Variants in HLTF observed in about 807,000 individuals in gnomAD.
The protein encoded by HLTF is DNA-dependent ATPase/E3 ubiquitin-protein ligase HLTF.
HLTF carries 127 observed loss-of-function variants against 129.4 expected under a neutral mutation model. That is an observed-to-expected ratio of 0.98 (90% CI 0.85 to 1.14). HLTF has a LOEUF of 1.14. Ranked by LOEUF, HLTF falls within the 50% of genes most tolerant of loss-of-function variation. The probability of loss-of-function intolerance (pLI) is 0.00; values close to 1 mark genes in which losing one functional copy is unlikely to be tolerated. For synonymous variants in HLTF, 332 were observed against 388.8 expected (o/e 0.85, Z 1.72); for missense variants, 1,139 against 1,187.1 (o/e 0.96, Z 0.60).
chr3:149,033,490 A>T (rs1156651114), intron 24 of HLTF, among the ~76,000 whole-genome samples: 1 of 152,176 alleles, frequency 6.6e-6, no homozygotes, highest in Non-Finnish European at 1.5e-5. Flanking sequence ...TTACCCTATC[A>T]GGTATCAAAA....
intron 20 of HLTF, among the ~76,000 whole-genome samples, chr3:149,040,696 T>G (rs552331690): frequency 4.6e-5 from 7 of 152,152 alleles, no homozygotes; most frequent in Admixed American, 3.3e-4. Context: ...ACCATTACAA[T>G]TAAATAATTC....
At chr3:149,042,496 G>A (rs1716214121) in intron 18 of HLTF, among the ~76,000 whole-genome samples, 1 of 152,068 alleles carries the variant, frequency 6.6e-6, no homozygotes, top group African/African-American at 2.4e-5. Flanking sequence ...GCCAATTGCA[G>A]TCTAAGTCAG....
At chr3:149,036,297 G>GTTCTTTTTTT in intron 23 of HLTF, among the ~76,000 whole-genome samples, 1 of 107,982 alleles carries the variant, frequency 9.3e-6, no homozygotes, top group South Asian at 2.8e-4. Flanking sequence ...AAACTATGAG[G>GTTCTTTTTTT]TTTTTTTTTT....
In HLTF at chr3:149,086,491, G is replaced by C. The variant is rs1309223376; in HGVS notation, c.-155C>G. 4 of 767,240 alleles carry C rather than the reference G, an allele frequency of 5.2e-6. No homozygotes were observed. The highest frequency in any genetic ancestry group is 1.8e-5 in the African/African-American group (1 of 56,968). 47.5% of individuals were successfully genotyped at this position (767,240 alleles called of 1,614,324 possible). On this transcript the variant is annotated 5_prime_UTR_variant, in exon 1 of 25. Coordinates refer to ENST00000310053, the MANE Select transcript of HLTF (RefSeq NM_003071.4). ...GCACGACTGAAAGGTAAGTCGCCGCGAGTCCAGTCAGACGTCGACGCCGTC... is the reference window on the plus strand; with the variant it reads ...GCACGACTGAAAGGTAAGTCGCCGCCAGTCCAGTCAGACGTCGACGCCGTC...
At position 149,060,654 on chromosome 3, in the gene HLTF, C is replaced by T; in HGVS notation, c.1274G>A (p.Gly425Asp). The change falls in exon 12 of 25, where the codon GGC (glycine) becomes GAC (aspartate). Residue 425 changes from glycine (G) to aspartate (D), a missense_variant. Transcript: ENST00000310053. ...KLKNVQSETK[G>D]RAKAGSSKVI... The stretch of plus-strand genomic sequence containing the variant: ...TAGTATACACATACCTTTCGCCCTG[C>T]CTTTAGTTTCAGACTGTACATTTTT... The T allele has an allele frequency of 6.2e-7, 1 of 1,612,528 alleles. No homozygotes were observed. Among genetic ancestry groups the T allele is most frequent in the Non-Finnish European group, 8.5e-7 (1 of 1,178,962 alleles).
intron 13 of HLTF, among the ~76,000 whole-genome samples, chr3:149,056,176 C>T (rs2108005390): frequency 6.6e-6 from 1 of 152,274 alleles, no homozygotes; most frequent in African/African-American, 2.4e-5. Context: ...TCCAGCTAAG[C>T]CACTCCGACT....
rs143507964 is a variant in HLTF at position 149,063,847 on chromosome 3, T to A, written c.1067-323A>T. Among the ~76,000 whole-genome samples the A allele has an allele frequency of 5.6e-3, 848 of 152,274 alleles. 3 individuals are homozygous for A. Among genetic ancestry groups the A allele is most frequent in the Non-Finnish European group, 9.4e-3 (640 of 68,022 alleles). Reference sequence around the variant, plus strand: ...CAACAGAACCACAAATAGGTGCTGTTATAAATTTACATGTTCAAATCTCAG... The same window carrying A: ...CAACAGAACCACAAATAGGTGCTGTAATAAATTTACATGTTCAAATCTCAG... On this transcript the variant is annotated intron_variant, in intron 9 of 24. Coordinates refer to ENST00000310053, the MANE Select transcript of HLTF (RefSeq NM_003071.4).
chr3:149,047,537 G>A (rs1312302800), intron 17 of HLTF, among the ~76,000 whole-genome samples: 5 of 152,188 alleles, frequency 3.3e-5, no homozygotes, highest in Non-Finnish European at 1.5e-5. Context: ...AGCTACTTGG[G>A]AGGCTGAGAC....
intron 3 of HLTF, 152 bp downstream of exon 3, chr3:149,075,729 A>G (rs1369554692): frequency 2.2e-6 from 1 of 457,110 alleles, no homozygotes; most frequent in Non-Finnish European, 3.8e-6. Context: ...GAAGTATGTA[A>G]AAGGAGAAAT....
Position 149,036,297 on chromosome 3 carries a change from G to GTTTTTTT in HLTF, c.2797-1306_2797-1300dup, listed in dbSNP as rs71135656. 1.4e-4 allele frequency among the ~76,000 whole-genome samples: 15 copies of GTTTTTTT among 107,980 alleles called. 2 individuals are homozygous for GTTTTTTT. The highest frequency in any genetic ancestry group is 7.9e-3 in the Middle Eastern group (1 of 126). The allele number at this position is 107,980 out of a possible 152,430, so 70.8% of individuals were successfully genotyped here. On this transcript the variant is annotated intron_variant, in intron 23 of 24. Transcript: ENST00000310053. ...TTAAATTTTAAATTAAAACTATGAG[G>GTTTTTTT]TTTTTTTTTTGAGATGGAGTCTCGC... is the stretch of plus-strand genomic sequence containing the variant.
intron 7 of HLTF, among the ~76,000 whole-genome samples, chr3:149,069,998 C>G (rs917800375): frequency 2.0e-5 from 3 of 152,136 alleles, no homozygotes; most frequent in Non-Finnish European, 2.9e-5. Context: ...AATGAACCAA[C>G]ATTTTCTAAA....
chr3:149,051,237 A>T (rs1435840716), intron 14 of HLTF, among the ~76,000 whole-genome samples: 71 of 131,136 alleles, frequency 5.4e-4, no homozygotes, highest in South Asian at 9.6e-4. Flanking sequence ...AGGAAGTTTA[A>T]AAAAAAAAAA....
In HLTF at chr3:149,048,216, G is replaced by C. The variant is rs918899510; in HGVS notation, c.1757-53C>G. On this transcript the variant is annotated intron_variant, in intron 16 of 24. Transcript: ENST00000310053. The stretch of plus-strand genomic sequence containing the variant: ...TCTTTAACCAGAGTATCCAGTAAGA[G>C]TATCTATTTGGCCCAATCAGAGAAG... The C allele has an allele frequency of 5.5e-6, 8 of 1,456,680 alleles. No individual in the cohort carries two copies. The East Asian group carries it at 1.6e-4, about 29-fold the overall frequency. The allele number at this position is 1,456,680 out of a possible 1,614,324, so 90.2% of individuals were successfully genotyped here.
intron 2 of HLTF, chr3:149,083,603 G>A (rs1720073858): frequency 6.6e-6 from 1 of 151,922 alleles, no homozygotes; most frequent in Non-Finnish European, 1.5e-5. Context: ...TGTGAAATAA[G>A]AACTGATAGA....
rs1480951737 is a variant in HLTF, at chr3:149,040,134, C to T, written c.2399G>A (p.Cys800Tyr). 6.2e-7 allele frequency: 1 copy of T among 1,607,746 alleles called. No homozygotes were observed. The highest frequency in any genetic ancestry group is 2.2e-5 in the East Asian group (1 of 44,684). ...ATTATCTTCATGTATATCATTTCTG[C>T]ATAAAGGGCATTTAGCATGTGGCTA... ...NEQPHAKCPL[C>Y]RNDIHEDNLL... Residue 800 changes from cysteine to tyrosine, a missense_variant, in exon 21 of 25, where the codon TGC becomes TAC. Coordinates refer to ENST00000310053, the MANE Select transcript of HLTF (RefSeq NM_003071.4).
chr3:149,086,308 C>T lies in HLTF; in HGVS notation c.20+9G>A, dbSNP rs769102487. 5.0e-6 allele frequency: 8 copies of T among 1,603,202 alleles called. No individual in the cohort carries two copies. Among genetic ancestry groups the T allele is most frequent in the Non-Finnish European group, 6.8e-6 (8 of 1,174,832 alleles). ...AGACCGAGCGCCCCACCCCCTCCGCCCCCTTCACCTCTTGAACATCCAGGA... is the reference window on the plus strand; with the variant it reads ...AGACCGAGCGCCCCACCCCCTCCGCTCCCTTCACCTCTTGAACATCCAGGA... On this transcript the variant is annotated intron_variant, in intron 1 of 24. Coordinates refer to ENST00000310053, the MANE Select transcript of HLTF (RefSeq NM_003071.4).
chr3:149,069,862 A>G (rs1718705381), intron 7 of HLTF, among the ~76,000 whole-genome samples: 1 of 152,238 alleles, frequency 6.6e-6, no homozygotes, highest in Admixed American at 6.5e-5. Flanking sequence ...TGTGTGTGAC[A>G]CTATGAACAT....
intron 2 of HLTF, among the ~76,000 whole-genome samples, 184 bp downstream of exon 2, chr3:149,084,498 C>G (rs1020843903): frequency 2.0e-5 from 3 of 152,146 alleles, no homozygotes; most frequent in Admixed American, 1.3e-4. Flanking sequence ...TTCCTGTAAT[C>G]CCAACACTCT....
intron 8 of HLTF, 152 bp downstream of exon 8, chr3:149,068,088 T>G: frequency 1.9e-6 from 1 of 513,098 alleles, no homozygotes; most frequent in Admixed American, 3.1e-5. Context: ...TGACACGAAC[T>G]TTCATTCTTA....
Sources: gnomAD v4.1 joint callset for allele counts (sites outside exome capture counted in the v4.1 genomes callset) on GRCh38, gnomAD v4.1.1 for gene constraint, MANE v1.5 for transcripts, NCBI Gene and HGNC (gene_info 2026-07-23, HGNC 2026-07-21) for gene names.